Variants in TJP2 observed in about 807,000 individuals in gnomAD.
TJP2 encodes Friedreich ataxia region gene X104 (tight junction protein ZO-2).
TJP2 carries 91 observed loss-of-function variants against 133.1 expected under a neutral mutation model. The observed-to-expected ratio is 0.68, with a 90% CI of 0.58 to 0.81. The LOEUF (loss-of-function observed/expected upper bound fraction) is 0.81, where lower values mean the gene tolerates loss of function less well. Among genes scored for constraint, TJP2 ranks in the 40% least tolerant of loss-of-function variants. TJP2 has a pLI of 0.00. For missense variants in TJP2, 1,541 were observed against 1,565.6 expected (o/e 0.98, Z 0.26); for synonymous variants, 592 against 583.4 (o/e 1.01, Z -0.21).
At chr9:69,201,102 C>T (rs1159268772) in intron 1 of TJP2, among the ~76,000 whole-genome samples, 2 of 152,150 alleles carry the variant, frequency 1.3e-5, no homozygotes, top group Non-Finnish European at 2.9e-5. Context: ...TCCCACCTCC[C>T]CACTGGGCTG....
At position 69,240,063 on chromosome 9, in the gene TJP2, T is replaced by C. The variant is rs1353583641; in HGVS notation, c.2482T>C (p.Leu828=). The C allele has an allele frequency of 6.2e-7, 1 of 1,614,126 alleles. No homozygotes were observed. The highest frequency in any genetic ancestry group is 1.1e-5 in the South Asian group (1 of 91,078). The part of the protein sequence containing the change: ...RQGVKTMRQR[L]NPTSNKSSRK... ...AGGTGTCAAAACCATGAGACAAAGG[T>C]TAAATCCAACGTCCAACAAAAGTTC... is the stretch of plus-strand genomic sequence containing the variant. The change falls in exon 17 of 23, where the codon TTA becomes CTA. Residue 828 remains leucine, a synonymous_variant. Coordinates refer to ENST00000377245, the MANE Select transcript of TJP2 (RefSeq NM_004817.4).
chr9:69,215,283 A>G (rs1425601263), intron 2 of TJP2, among the ~76,000 whole-genome samples: 1 of 151,908 alleles, frequency 6.6e-6, no homozygotes, highest in African/African-American at 2.4e-5. Context: ...ATACACATAT[A>G]TAACAAACCT....
chr9:69,174,883 C>A (rs907731358), intron 1 of TJP2, among the ~76,000 whole-genome samples: 11 of 150,300 alleles, frequency 7.3e-5, no homozygotes. Context: ...TTTCAATCAG[C>A]TGCGTCTGTA....
Position 69,216,340 on chromosome 9 carries a change from A to T in TJP2, c.116A>T (p.Asp39Val). ...ATATTTCTCCTCTCTGATGTACAGG[A>T]TTCCAAAAGAGGATTTGGAATTGCA... ...WEQYTVTLQK[D>V]SKRGFGIAVS... The change falls in exon 3 of 23, where the codon GAT becomes GTT. Residue 39 changes from aspartate to valine, a missense_variant and splice_region_variant. Physicochemically the swap from Asp to Val is radical, Grantham distance 152. Transcript: ENST00000377245. 1 of 1,614,150 alleles carries T rather than the reference A, an allele frequency of 6.2e-7. No individual in the cohort carries two copies. The highest frequency in any genetic ancestry group is 1.3e-5 in the African/African-American group (1 of 75,036).
chr9:69,151,028 G>T (rs745654382), intron 1 of TJP2, among the ~76,000 whole-genome samples: 1 of 152,194 alleles, frequency 6.6e-6, no homozygotes, highest in Non-Finnish European at 1.5e-5. Flanking sequence ...CATATCATAT[G>T]AGTCCATTCA....
chr9:69,236,837 A>T, intron 13 of TJP2, 112 bp from the exon 14 acceptor site: 3 of 1,269,436 alleles, frequency 2.4e-6, no homozygotes, highest in Non-Finnish European at 3.5e-6. Context: ...CTTCATTGTC[A>T]AGCGGAATCT....
In TJP2 at chr9:69,133,546, C is replaced by CTTTTT. The variant is rs10577570; in HGVS notation, c.-131+11840_-131+11844dup. Among the ~76,000 whole-genome samples, 31 of 104,780 alleles carry CTTTTT rather than the reference C, an allele frequency of 3.0e-4. 1 individual carries two copies. The highest frequency in any genetic ancestry group is 5.1e-4 in the African/African-American group (13 of 25,672). The allele number at this position is 104,780 out of a possible 152,430, so 68.7% of individuals were successfully genotyped here. On this transcript the variant is annotated intron_variant, in intron 1 of 5. Coordinates refer to the TJP2 transcript ENST00000423935. ...ATGCTTTCCTGTTTCATTTTTCTGG[C>CTTTTT]TTTTTTTTTTTTTTTTTTTTTTTGA...
At chr9:69,195,480 G>T (rs1333511095) in intron 1 of TJP2, among the ~76,000 whole-genome samples, 2 of 150,992 alleles carry the variant, frequency 1.3e-5, no homozygotes, top group African/African-American at 4.9e-5. Context: ...CATTCAAATT[G>T]TGACCAGGCA....
chr9:69,197,468 T>C (rs893293927), intron 1 of TJP2, among the ~76,000 whole-genome samples: 2 of 152,202 alleles, frequency 1.3e-5, no homozygotes, highest in Non-Finnish European at 2.9e-5. Flanking sequence ...TACACATGTA[T>C]TTTCAATTTT....
intron 2 of TJP2, among the ~76,000 whole-genome samples, chr9:69,214,387 A>G (rs894487734): frequency 3.3e-4 from 50 of 152,098 alleles, no homozygotes; most frequent in African/African-American, 1.1e-3. Context: ...CACCTGGCCC[A>G]GACTTAGCTT....
chr9:69,160,163 G>A (rs1012163868), intron 2 of TJP2, among the ~76,000 whole-genome samples: 5 of 152,166 alleles, frequency 3.3e-5, no homozygotes, highest in African/African-American at 9.7e-5. Flanking sequence ...TGTTTACAAT[G>A]TAAATCTGAA....
chr9:69,154,201 C>T (rs1178356858), intron 2 of TJP2, among the ~76,000 whole-genome samples: 1 of 152,202 alleles, frequency 6.6e-6, no homozygotes, highest in Non-Finnish European at 1.5e-5. Context: ...AACTCCTTAA[C>T]TCAGACGAGT....
chr9:69,165,819 C>A (rs1037078540), intron 2 of TJP2, among the ~76,000 whole-genome samples: 1 of 152,202 alleles, frequency 6.6e-6, no homozygotes, highest in African/African-American at 2.4e-5. Context: ...GCAAAGCACG[C>A]TCCCCAGCAG....
chr9:69,245,970 C>A (rs1053919893), intron 17 of TJP2, among the ~76,000 whole-genome samples: 1 of 152,140 alleles, frequency 6.6e-6, no homozygotes, highest in South Asian at 2.1e-4. Context: ...ATTCAACTAG[C>A]CGTGTATAGG....
intron 1 of TJP2, among the ~76,000 whole-genome samples, chr9:69,205,934 G>A (rs1827365606): frequency 6.6e-6 from 1 of 151,882 alleles, no homozygotes; most frequent in African/African-American, 2.4e-5. Flanking sequence ...AAATATATAG[G>A]ATTTTTACCT....
rs757511382 is a variant in TJP2 at position 69,247,999 on chromosome 9, C to G, written c.2668-13C>G. ...ATCAGACCCCACTGACCGTCCAACA[C>G]AAATTCCTCTAGATGGAAGGGATGG... is the stretch of plus-strand genomic sequence containing the variant. On this transcript the variant is annotated splice_polypyrimidine_tract_variant and intron_variant, in intron 18 of 22. Coordinates refer to ENST00000377245, the MANE Select transcript of TJP2 (RefSeq NM_004817.4). The G allele has an allele frequency of 6.3e-7, 1 of 1,583,694 alleles. No individual in the cohort carries two copies. Among genetic ancestry groups the G allele is most frequent in the Admixed American group, 1.7e-5 (1 of 58,180 alleles).
intron 1 of TJP2, among the ~76,000 whole-genome samples, chr9:69,176,044 T>G (rs1825060216): frequency 6.6e-6 from 1 of 152,200 alleles, no homozygotes; most frequent in African/African-American, 2.4e-5. Context: ...TAGACTTTAC[T>G]CTGCAATCTG....
At chr9:69,244,168 T>C (rs62570184) in intron 17 of TJP2, among the ~76,000 whole-genome samples, 4,012 of 126,526 alleles carry the variant, frequency 0.032, 75 homozygotes, top group Non-Finnish European at 0.042. Flanking sequence ...TGGGCGACAA[T>C]GAGACCCTGT....
intron 1 of TJP2, among the ~76,000 whole-genome samples, chr9:69,186,090 T>G (rs1038817053): frequency 1.3e-5 from 2 of 152,144 alleles, no homozygotes; most frequent in Non-Finnish European, 2.9e-5. Context: ...TTAAGACATT[T>G]AAAAATCTTG....
Sources: allele counts gnomAD v4.1 joint callset (sites outside exome capture counted in the v4.1 genomes callset), GRCh38; gene constraint gnomAD v4.1.1; transcripts MANE v1.5; gene names NCBI Gene and HGNC (gene_info 2026-07-23, HGNC 2026-07-21).